Variants in PRDM16 observed in about 807,000 individuals in gnomAD.
The protein encoded by PRDM16 is PR/SET domain 16, also known as histone-lysine N-methyltransferase PRDM16.
In PRDM16, 23 loss-of-function variants were observed where a neutral mutation model predicts 110.6. The observed-to-expected ratio is 0.21, with a 90% CI of 0.15 to 0.29. PRDM16 has a LOEUF of 0.29. Among genes scored for constraint, PRDM16 ranks in the 10% least tolerant of loss-of-function variants. The pLI, the probability that PRDM16 is intolerant of heterozygous loss-of-function variation, is 1.00. For missense variants in PRDM16, 1,615 were observed against 1,794.3 expected (o/e 0.90, Z 1.81); for synonymous variants, 799 against 781.8 (o/e 1.02, Z -0.37).
intron 3 of PRDM16, among the ~76,000 whole-genome samples, chr1:3,302,807 CAA>C (rs1641234578): frequency 6.6e-6 from 1 of 152,172 alleles, no homozygotes; most frequent in African/African-American, 2.4e-5. Flanking sequence ...AGAGCTGAGA[CAA>C]GAGGGTGGAG....
chr1:3,319,324 C>T (rs955075819), intron 3 of PRDM16, among the ~76,000 whole-genome samples: 2 of 152,212 alleles, frequency 1.3e-5, no homozygotes, highest in African/African-American at 2.4e-5. Context: ...CAAGGCTCAA[C>T]ATTGGAAGGG....
At chr1:3,092,202 G>C (rs1403529376) in intron 1 of PRDM16, among the ~76,000 whole-genome samples, 1 of 152,172 alleles carries the variant, frequency 6.6e-6, no homozygotes, top group African/African-American at 2.4e-5. Flanking sequence ...GGTGGTGGGT[G>C]ACGTGGTATG....
chr1:3,139,922 G>A (rs1185582991), intron 1 of PRDM16, among the ~76,000 whole-genome samples: 3 of 152,222 alleles, frequency 2.0e-5, no homozygotes, highest in Non-Finnish European at 4.4e-5. Context: ...TGGGGGCCAT[G>A]TGCCGTGACC....
chr1:3,263,124 G>A (rs115803649), intron 3 of PRDM16, among the ~76,000 whole-genome samples: 1,549 of 152,198 alleles, frequency 0.01, 13 homozygotes, highest in Non-Finnish European at 0.014. Context: ...CCTGCCTGGC[G>A]GCCCCTCCCA....
At position 3,425,495 on chromosome 1, in the gene PRDM16, G is replaced by A. The variant is rs574346684; in HGVS notation, c.2940-86G>A. ...TGTGCACGGGGCACGGGGCAGGGGCGCGGGCTCCCTTCCCCCCACCCTCTG... is the reference window on the plus strand; with the variant it reads ...TGTGCACGGGGCACGGGGCAGGGGCACGGGCTCCCTTCCCCCCACCCTCTG... On this transcript the variant is annotated intron_variant, in intron 12 of 16. Coordinates refer to ENST00000270722, the MANE Select transcript of PRDM16 (RefSeq NM_022114.4). This position sits in a 1 kb window ranked among gnomAD's most constrained non-coding sequence, Gnocchi z 6.9. 3.5e-5 allele frequency: 50 copies of A among 1,429,420 alleles called. No homozygotes were observed. Among genetic ancestry groups the A allele is most frequent in the Middle Eastern group, 1.9e-4 (1 of 5,296 alleles). 88.5% of individuals were successfully genotyped at this position (1,429,420 alleles called of 1,614,324 possible).
chr1:3,261,214 A>G (rs1640158729), intron 3 of PRDM16, among the ~76,000 whole-genome samples: 2 of 152,068 alleles, frequency 1.3e-5, no homozygotes, highest in South Asian at 2.1e-4. Flanking sequence ...TCTCACACAG[A>G]GAAGCGGGCC....
intron 3 of PRDM16, among the ~76,000 whole-genome samples, chr1:3,294,763 A>C (rs1262158158): frequency 1.3e-5 from 2 of 152,350 alleles, no homozygotes; most frequent in African/African-American, 2.4e-5. Context: ...CTCAGAGGCA[A>C]GTGCTCATAA....
rs993957512 is a variant in PRDM16 at position 3,190,708 on chromosome 1, C to T, written c.387+4234C>T. Among the ~76,000 whole-genome samples, 6 of 152,318 alleles carry T rather than the reference C, an allele frequency of 3.9e-5. No individual in the cohort carries two copies. The highest frequency in any genetic ancestry group is 1.9e-4 in the East Asian group (1 of 5,174). ...GGGCTCAGTCTCTTCCCAAATACCA[C>T]GCCCCGCCGGTCGCCGCCGAAGCCC... On this transcript the variant is annotated intron_variant, in intron 2 of 16. Coordinates refer to ENST00000270722, the MANE Select transcript of PRDM16 (RefSeq NM_022114.4). The surrounding 1 kb of genome is among the most constrained non-coding windows in gnomAD (Gnocchi z 5.0).
intron 3 of PRDM16, among the ~76,000 whole-genome samples, chr1:3,333,138 C>G (rs1642077657): frequency 6.6e-6 from 1 of 152,198 alleles, no homozygotes; most frequent in Admixed American, 6.5e-5. Flanking sequence ...TACTCCTCAG[C>G]TTACAGTGGC....
Position 3,209,082 on chromosome 1 carries a change from G to A in PRDM16, c.387+22608G>A, listed in dbSNP as rs1420889195. 6.6e-6 allele frequency among the ~76,000 whole-genome samples: 1 copy of A among 152,210 alleles called. No individual in the cohort carries two copies. Among genetic ancestry groups the A allele is most frequent in the African/African-American group, 2.4e-5 (1 of 41,444 alleles). ...GTGGGAATTCAGAAGGAGCTCAGAA[G>A]GGAATGCCCTGTGCCAACCTAAACC... On this transcript the variant is annotated intron_variant, in intron 2 of 16. Coordinates refer to ENST00000270722, the MANE Select transcript of PRDM16 (RefSeq NM_022114.4). This position sits in a 1 kb window ranked among gnomAD's most constrained non-coding sequence, Gnocchi z 4.6.
chr1:3,346,520 C>T (rs899718329), intron 3 of PRDM16, among the ~76,000 whole-genome samples: 4 of 152,204 alleles, frequency 2.6e-5, no homozygotes, highest in Non-Finnish European at 4.4e-5. Flanking sequence ...GTGGCCCTCC[C>T]GCCTCTCTGC....
rs571580175 is a variant in PRDM16 at position 3,203,943 on chromosome 1, T to C, written c.387+17469T>C. ...AGAAGGCGGTGCCCCAGTGCACACC[T>C]GGTCCCCACGTCCCTGAAGCAAATG... On this transcript the variant is annotated intron_variant, in intron 2 of 16. Transcript: ENST00000270722. 5.6e-4 allele frequency among the ~76,000 whole-genome samples: 85 copies of C among 152,300 alleles called. 4 individuals are homozygous for C. In the South Asian group the frequency reaches 0.017, roughly 30 times the overall value.
chr1:3,376,821 C>T (rs1022707710), intron 3 of PRDM16, among the ~76,000 whole-genome samples: 7 of 151,896 alleles, frequency 4.6e-5, no homozygotes, highest in South Asian at 2.1e-4. Context: ...TGCTGACCGC[C>T]GACCAGGCCT....
chr1:3,147,559 C>T (rs1425593069), intron 1 of PRDM16, among the ~76,000 whole-genome samples: 1 of 152,154 alleles, frequency 6.6e-6, no homozygotes, highest in African/African-American at 2.4e-5. Flanking sequence ...TGGAAACTAT[C>T]ATCATTGCCC....
Position 3,244,281 on chromosome 1 carries a change from GA to G in PRDM16, c.438+145del. On this transcript the variant is annotated intron_variant, in intron 3 of 16. Transcript: ENST00000270722. The surrounding 1 kb of genome is among the most constrained non-coding windows in gnomAD (Gnocchi z 4.1). ...GGCCCCGAGCAATGTGTTATCTGTG[GA>G]CTGACGTGTGCACAGGACGGTGGCT... 1.3e-6 allele frequency: 1 copy of G among 757,250 alleles called. No individual in the cohort carries two copies. The highest frequency in any genetic ancestry group is 2.2e-6 in the Non-Finnish European group (1 of 446,304). The allele number at this position is 757,250 out of a possible 1,614,324, so 46.9% of individuals were successfully genotyped here. A position where few individuals can be genotyped will look rare whatever the true frequency, so the allele number is the denominator to read the frequency against.
chr1:3,374,131 G>A (rs971626287), intron 3 of PRDM16, among the ~76,000 whole-genome samples: 6 of 152,182 alleles, frequency 3.9e-5, no homozygotes, highest in East Asian at 1.9e-4. Context: ...GCTGGATCCC[G>A]GGGTCCCAGC....
At chr1:3,414,850 T>C (rs1400557710) in intron 10 of PRDM16, among the ~76,000 whole-genome samples, 1 of 151,704 alleles carries the variant, frequency 6.6e-6, no homozygotes, top group Non-Finnish European at 1.5e-5. Context: ...GGACTGAGAG[T>C]GACCCTCACA....
rs1644263448 is a variant in PRDM16 at position 3,186,066 on chromosome 1, G to A, written c.38-59G>A. ...TGCCCGAGTCCCCGGCGCTCCCTGAGCTGTACACACTGGGTGGGGCACGTG... is the reference window on the plus strand; with the variant it reads ...TGCCCGAGTCCCCGGCGCTCCCTGAACTGTACACACTGGGTGGGGCACGTG... On this transcript the variant is annotated intron_variant, in intron 1 of 16. Transcript: ENST00000270722. 2.8e-6 allele frequency: 4 copies of A among 1,440,092 alleles called. No homozygotes were observed. The South Asian group carries it at 3.4e-5, about 12-fold the overall frequency. The allele number at this position is 1,440,092 out of a possible 1,614,324, so 89.2% of individuals were successfully genotyped here.
At chr1:3,183,264 C>A (rs1267600411) in intron 1 of PRDM16, among the ~76,000 whole-genome samples, 1 of 152,210 alleles carries the variant, frequency 6.6e-6, no homozygotes, top group Non-Finnish European at 1.5e-5. Flanking sequence ...AACTTGCTGA[C>A]CCTCTCGGGG....
Sources: gnomAD v4.1 joint callset for allele counts (sites outside exome capture counted in the v4.1 genomes callset) on GRCh38, gnomAD v4.1.1 for gene constraint, Gnocchi (gnomAD v3.1) non-coding constraint, MANE v1.5 for transcripts, NCBI Gene and HGNC (gene_info 2026-07-23, HGNC 2026-07-21) for gene names.